Variants in CDH6 observed in about 807,000 individuals in gnomAD.
CDH6 encodes the protein cadherin 6.
A neutral mutation model predicts 78.0 loss-of-function variants in CDH6; 31 were observed. The observed-to-expected ratio is 0.40, with a 90% CI of 0.30 to 0.54. CDH6 has a LOEUF of 0.54. CDH6 is among the 20% of genes least tolerant of loss of function. The probability of loss-of-function intolerance (pLI) is 0.56; values close to 1 mark genes in which losing one functional copy is unlikely to be tolerated. For missense variants in CDH6, 724 were observed against 975.9 expected (o/e 0.74, Z 3.44); for synonymous variants, 376 against 368.8 (o/e 1.02, Z -0.23).
rs959101187 is a variant in CDH6 at position 31,193,808 on chromosome 5, CGCG to C, written c.-190_-188del. The C allele has an allele frequency of 1.6e-4, 25 of 154,006 alleles. No individual in the cohort carries two copies. The highest frequency in any genetic ancestry group is 3.6e-4 in the South Asian group (2 of 5,620). The allele number at this position is 154,006 out of a possible 1,614,324, so 9.5% of individuals were successfully genotyped here. A position where few individuals can be genotyped will look rare whatever the true frequency, so the allele number is the denominator to read the frequency against. ...CAGCAAGAACGGCAGAGCCGGCGAC[CGCG>C]GCGGCGGCGGCGGCGGAGGCAGGAG... On this transcript the variant is annotated 5_prime_UTR_variant, in exon 1 of 12. Transcript: ENST00000265071.
intron 6 of CDH6, among the ~76,000 whole-genome samples, chr5:31,303,259 G>C (rs1028812037): frequency 6.6e-6 from 1 of 152,150 alleles, no homozygotes; most frequent in African/African-American, 2.4e-5. Context: ...AGTCTAGGGG[G>C]AAAGAGACAA....
chr5:31,254,142 C>T (rs1169221739), intron 1 of CDH6, among the ~76,000 whole-genome samples: 1 of 152,150 alleles, frequency 6.6e-6, no homozygotes, highest in Non-Finnish European at 1.5e-5. Flanking sequence ...TCTACACGAC[C>T]CACCTGTTAG....
chr5:31,252,955 T>C (rs1741948627), intron 1 of CDH6, among the ~76,000 whole-genome samples: 2 of 152,216 alleles, frequency 1.3e-5, no homozygotes, highest in South Asian at 4.1e-4. Context: ...TTTTATGTAC[T>C]TTATATGTTA....
At chr5:31,244,317 T>C (rs1741686769) in intron 1 of CDH6, among the ~76,000 whole-genome samples, 1 of 152,200 alleles carries the variant, frequency 6.6e-6, no homozygotes, top group Non-Finnish European at 1.5e-5. Context: ...AAGGTGGTCA[T>C]AGAGAGGATT....
intron 1 of CDH6, among the ~76,000 whole-genome samples, chr5:31,266,479 C>T (rs1172272350): frequency 6.6e-6 from 1 of 152,026 alleles, no homozygotes; most frequent in Non-Finnish European, 1.5e-5. Context: ...AACAAATATG[C>T]TTGATTGTTT....
chr5:31,272,175 G>A (rs1561052341), intron 2 of CDH6, among the ~76,000 whole-genome samples: 1 of 152,160 alleles, frequency 6.6e-6, no homozygotes, highest in African/African-American at 2.4e-5. Context: ...GAATTGCCAG[G>A]ACCTCCCAAT....
intron 2 of CDH6, among the ~76,000 whole-genome samples, chr5:31,268,325 A>G (rs1742418582): frequency 6.6e-6 from 1 of 152,248 alleles, no homozygotes; most frequent in Non-Finnish European, 1.5e-5. Context: ...TAAAAGAGAA[A>G]AATGCTTATG....
intron 2 of CDH6, among the ~76,000 whole-genome samples, chr5:31,288,998 T>C (rs760573815): frequency 6.6e-6 from 1 of 152,146 alleles, no homozygotes; most frequent in Non-Finnish European, 1.5e-5. Flanking sequence ...TATTTTAGAT[T>C]CAGAGGGTAC....
At chr5:31,301,965 A>G in intron 5 of CDH6, 146 bp from the exon 6 acceptor site, 2 of 510,244 alleles carry the variant, frequency 3.9e-6, no homozygotes, top group Non-Finnish European at 7.1e-6. Context: ...CATAAGAAGA[A>G]CAGGCCACCA....
chr5:31,326,675 C>G lies in CDH6; in HGVS notation c.*3367C>G, dbSNP rs993843386. ...GCTCCCAAAGAGTTGTGCAGAAAAT[C>G]TTAAAATTTTTTTTTTTTTTTTTTT... On this transcript the variant is annotated 3_prime_UTR_variant, in exon 12 of 12. Transcript: ENST00000265071. The G allele has an allele frequency of 1.0e-4, 13 of 129,448 alleles. No homozygotes were observed. Among genetic ancestry groups the G allele is most frequent in the Non-Finnish European group, 2.0e-4 (12 of 61,528 alleles). The allele number at this position is 129,448 out of a possible 1,614,324, so 8.0% of individuals were successfully genotyped here. A position where few individuals can be genotyped will look rare whatever the true frequency, so the allele number is the denominator to read the frequency against.
chr5:31,290,049 GA>G (rs1743114818), intron 2 of CDH6, among the ~76,000 whole-genome samples: 1 of 151,970 alleles, frequency 6.6e-6, no homozygotes, highest in African/African-American at 2.4e-5. Context: ...TTGAGGTCAG[GA>G]GTTTGAGACC....
chr5:31,238,308 C>T (rs1372724215), intron 1 of CDH6, among the ~76,000 whole-genome samples: 2 of 152,178 alleles, frequency 1.3e-5, no homozygotes, highest in African/African-American at 4.8e-5. Flanking sequence ...ATGCCCTGTG[C>T]TCTCTGGTGA....
At chr5:31,273,383 G>A (rs1464588133) in intron 2 of CDH6, among the ~76,000 whole-genome samples, 2 of 152,066 alleles carry the variant, frequency 1.3e-5, no homozygotes, top group Non-Finnish European at 2.9e-5. Context: ...GATATTTTCC[G>A]AGCATTACTT....
intron 7 of CDH6, among the ~76,000 whole-genome samples, chr5:31,311,323 G>T (rs1398563761): frequency 6.6e-6 from 1 of 152,154 alleles, no homozygotes. Flanking sequence ...TTCCCAATAA[G>T]TTCCTCATGT....
intron 1 of CDH6, among the ~76,000 whole-genome samples, chr5:31,265,296 T>C (rs1742309826): frequency 1.3e-5 from 2 of 152,148 alleles, no homozygotes; most frequent in Non-Finnish European, 2.9e-5. Flanking sequence ...ATTCCACCCC[T>C]GTACCAAGGC....
At chr5:31,318,406 C>A (rs1738389378) in intron 11 of CDH6, 1 of 271,900 alleles carries the variant, frequency 3.7e-6, no homozygotes, top group African/African-American at 2.1e-5. Flanking sequence ...TTTTTTAACC[C>A]AGCAAACTAA....
chr5:31,250,908 C>T (rs1741890925), intron 1 of CDH6: 9 of 152,574 alleles, frequency 5.9e-5, no homozygotes, highest in Admixed American at 5.2e-4. Context: ...AAGACACAAG[C>T]CTGCCTGAAT....
Position 31,268,360 on chromosome 5 carries a change from T to C in CDH6, c.228+659T>C, listed in dbSNP as rs143474113. Among the ~76,000 whole-genome samples, 3 of 152,340 alleles carry C rather than the reference T, an allele frequency of 2.0e-5. No individual in the cohort carries two copies. The East Asian group carries it at 5.8e-4, about 29-fold the overall frequency. ...GTAAAGGTACTCTTTCCAAATATCA[T>C]CTGACCATTTTATTGACTCCAGAAA... On this transcript the variant is annotated intron_variant, in intron 2 of 11. Transcript: ENST00000265071.
At chr5:31,235,026 C>A (rs1279585369) in intron 1 of CDH6, among the ~76,000 whole-genome samples, 1 of 152,104 alleles carries the variant, frequency 6.6e-6, no homozygotes, top group Non-Finnish European at 1.5e-5. Context: ...ATACTGTACT[C>A]AATATCATCA....
Sources: allele counts gnomAD v4.1 joint callset (sites outside exome capture counted in the v4.1 genomes callset), GRCh38; gene constraint gnomAD v4.1.1; transcripts MANE v1.5; gene names NCBI Gene and HGNC (gene_info 2026-07-23, HGNC 2026-07-21).